HIPK2: variants seen among roughly 807,000 people sequenced by gnomAD.
HIPK2 encodes the protein homeodomain-interacting protein kinase 2.
A neutral mutation model predicts 113.7 loss-of-function variants in HIPK2; 27 were observed. The ratio of observed to expected loss-of-function variants is 0.24; its 90% CI spans 0.17 to 0.33. HIPK2 has a LOEUF of 0.33. Ranked by LOEUF, HIPK2 falls within the 10% of genes least tolerant of loss-of-function variation. The pLI is 1.00. For missense variants in HIPK2, 1,257 were observed against 1,588.0 expected (o/e 0.79, Z 3.54); for synonymous variants, 631 against 642.2 (o/e 0.98, Z 0.26).
At chr7:139,573,812 C>T (rs1201323411) in intron 14 of HIPK2, among the ~76,000 whole-genome samples, 1 of 151,084 alleles carries the variant, frequency 6.6e-6, no homozygotes, top group Non-Finnish European at 1.5e-5. Flanking sequence ...CACGCGAGTG[C>T]ACTCCAGCCT....
intron 2 of HIPK2, among the ~76,000 whole-genome samples, chr7:139,657,097 C>T (rs550141760): frequency 7.2e-4 from 110 of 152,302 alleles, no homozygotes; most frequent in African/African-American, 2.5e-3. Context: ...TCTCGAACTC[C>T]TGACCTCAAA....
chr7:139,777,453 C>CGGGCGAGGGAGGG (rs1796796209), intron 1 of HIPK2, 152 bp downstream of exon 1: 2 of 171,860 alleles, frequency 1.2e-5, no homozygotes, highest in Admixed American at 1.3e-4. Flanking sequence ...GGTCATCTTC[C>CGGGCGAGGGAGGG]GGGCGAGGGA....
intron 1 of HIPK2, among the ~76,000 whole-genome samples, chr7:139,749,327 G>A (rs916814315): frequency 1.3e-5 from 2 of 152,214 alleles, no homozygotes; most frequent in Non-Finnish European, 2.9e-5. Context: ...CCCACATCAC[G>A]TGTCTGGGTT....
chr7:139,751,514 C>A (rs1309542680), intron 1 of HIPK2, among the ~76,000 whole-genome samples: 1 of 133,016 alleles, frequency 7.5e-6, no homozygotes, highest in Admixed American at 7.5e-5. Flanking sequence ...GGGAAGGTTC[C>A]CTTATTTGAT....
Position 139,568,196 on chromosome 7 carries a change from G to A in HIPK2, c.*4731C>T. The A allele has an allele frequency of 6.6e-6, 1 of 152,256 alleles. No homozygotes were observed. Among genetic ancestry groups the A allele is most frequent in the Non-Finnish European group, 1.5e-5 (1 of 68,086 alleles). 9.4% of individuals were successfully genotyped at this position (152,256 alleles called of 1,614,324 possible). ...ACACGTTGGTGTCTGGGCGGGCTGA[G>A]TCTTCTAGGTTGAAGAGGACAAAGG... On this transcript the variant is annotated 3_prime_UTR_variant, in exon 15 of 15. Transcript: ENST00000406875.
At chr7:139,700,830 C>G (rs1266243279) in intron 2 of HIPK2, among the ~76,000 whole-genome samples, 1 of 152,130 alleles carries the variant, frequency 6.6e-6, no homozygotes, top group Non-Finnish European at 1.5e-5. Context: ...ATTCCTCAAA[C>G]CCAGAGCGGC....
At chr7:139,749,594 T>A (rs1470876633) in intron 1 of HIPK2, among the ~76,000 whole-genome samples, 1 of 152,214 alleles carries the variant, frequency 6.6e-6, no homozygotes, top group Non-Finnish European at 1.5e-5. Context: ...TGGGCGTGGA[T>A]GACGTGTTCA....
chr7:139,698,020 G>C (rs1350002961), intron 2 of HIPK2, among the ~76,000 whole-genome samples: 1 of 151,960 alleles, frequency 6.6e-6, no homozygotes, highest in Non-Finnish European at 1.5e-5. Flanking sequence ...ACGCCACCAC[G>C]CCTGGCTAGT....
chr7:139,646,566 T>C (rs1801237731), intron 2 of HIPK2, among the ~76,000 whole-genome samples: 1 of 151,120 alleles, frequency 6.6e-6, no homozygotes, highest in Non-Finnish European at 1.5e-5. Flanking sequence ...CACTGCTCCA[T>C]CTTCTCATTA....
chr7:139,714,925 C>T lies in HIPK2; in HGVS notation c.1103+1007G>A, dbSNP rs899693837. Among the ~76,000 whole-genome samples, 8 of 152,168 alleles carry T rather than the reference C, an allele frequency of 5.3e-5. No individual in the cohort carries two copies. The highest frequency in any genetic ancestry group is 1.4e-4 in the African/African-American group (6 of 41,424). ...AGCCATGTTACCTCCCAGCTGCCCACGAGGCTGGTGAGAGGATTTCTCCCA... is the reference window on the plus strand; with the variant it reads ...AGCCATGTTACCTCCCAGCTGCCCATGAGGCTGGTGAGAGGATTTCTCCCA... On this transcript the variant is annotated intron_variant, in intron 2 of 14. Coordinates refer to ENST00000406875, the MANE Select transcript of HIPK2 (RefSeq NM_022740.5). This position sits in a 1 kb window ranked among gnomAD's most constrained non-coding sequence, Gnocchi z 4.2.
chr7:139,765,642 G>T (rs1336834698), intron 1 of HIPK2, among the ~76,000 whole-genome samples: 1 of 152,166 alleles, frequency 6.6e-6, no homozygotes, highest in African/African-American at 2.4e-5. Context: ...ATTTACATTG[G>T]TGTAATGATG....
At chr7:139,653,561 A>G (rs1801541798) in intron 2 of HIPK2, among the ~76,000 whole-genome samples, 1 of 151,774 alleles carries the variant, frequency 6.6e-6, no homozygotes, top group South Asian at 2.1e-4. Context: ...ATAAGTGAGC[A>G]AAGGAAATCA....
At chr7:139,608,371 C>CATATATATACAT (rs34716710) in intron 9 of HIPK2, among the ~76,000 whole-genome samples, 115 of 142,458 alleles carry the variant, frequency 8.1e-4, no homozygotes, top group African/African-American at 2.8e-3. Context: ...TATATATATA[C>CATATATATACAT]ATATATACAT....
intron 2 of HIPK2, among the ~76,000 whole-genome samples, chr7:139,702,653 CATG>C (rs1389166851): frequency 1.3e-5 from 2 of 152,152 alleles, no homozygotes; most frequent in South Asian, 2.1e-4. Flanking sequence ...CAGGGAAAAC[CATG>C]ATGTCTCATG....
intron 1 of HIPK2, among the ~76,000 whole-genome samples, chr7:139,749,786 C>T (rs73158624): frequency 7.2e-5 from 11 of 152,210 alleles, no homozygotes; most frequent in Non-Finnish European, 1.6e-4. Flanking sequence ...CCTGCACCCT[C>T]CTCTGGTATC....
chr7:139,572,739 G>A lies in HIPK2; in HGVS notation c.*188C>T. On this transcript the variant is annotated 3_prime_UTR_variant, in exon 15 of 15. Transcript: ENST00000406875. Reference sequence around the variant, plus strand: ...ACTTCCCGGTTCAAGTTTCACTGGTGTCCCGACCCGTCCCCCTGCCCTCTG... The same window carrying A: ...ACTTCCCGGTTCAAGTTTCACTGGTATCCCGACCCGTCCCCCTGCCCTCTG... 1.9e-6 allele frequency: 1 copy of A among 532,276 alleles called. No individual in the cohort carries two copies. Among genetic ancestry groups the A allele is most frequent in the Non-Finnish European group, 3.2e-6 (1 of 309,376 alleles). 33.0% of individuals were successfully genotyped at this position (532,276 alleles called of 1,614,324 possible). A position where few individuals can be genotyped will look rare whatever the true frequency, so the allele number is the denominator to read the frequency against.
At chr7:139,588,448 T>G (rs1338301313) in intron 12 of HIPK2, among the ~76,000 whole-genome samples, 1 of 144,726 alleles carries the variant, frequency 6.9e-6, no homozygotes, top group East Asian at 2.0e-4. Context: ...ACCCAGGAGG[T>G]GAGGTTGTAG....
At position 139,567,437 on chromosome 7, in the gene HIPK2, C is replaced by T. The variant is rs1328538232; in HGVS notation, c.*5490G>A. 6.6e-6 allele frequency: 1 copy of T among 151,044 alleles called. No homozygotes were observed. The highest frequency in any genetic ancestry group is 2.1e-4 in the South Asian group (1 of 4,776). 9.4% of individuals were successfully genotyped at this position (151,044 alleles called of 1,614,324 possible). On this transcript the variant is annotated 3_prime_UTR_variant, in exon 15 of 15. Transcript: ENST00000406875. ...AAAGGACAGAGAGGAAAGAGAAAGACAAATAGAATTGCATCACTAATGATG... is the reference window on the plus strand; with the variant it reads ...AAAGGACAGAGAGGAAAGAGAAAGATAAATAGAATTGCATCACTAATGATG...
At chr7:139,749,649 C>T (rs1341809571) in intron 1 of HIPK2, among the ~76,000 whole-genome samples, 2 of 152,212 alleles carry the variant, frequency 1.3e-5, no homozygotes, top group African/African-American at 4.8e-5. Context: ...CTATTATCCT[C>T]GTTTGCTGGG....
Sources: allele counts gnomAD v4.1 joint callset (sites outside exome capture counted in the v4.1 genomes callset), GRCh38; gene constraint gnomAD v4.1.1; non-coding constraint Gnocchi (gnomAD v3.1); transcripts MANE v1.5; gene names NCBI Gene and HGNC (gene_info 2026-07-23, HGNC 2026-07-21).